MINDY4: variants seen among roughly 807,000 people sequenced by gnomAD.
MINDY4 encodes the protein probable ubiquitin carboxyl-terminal hydrolase MINDY-4.
In MINDY4, 68 loss-of-function variants were observed where a neutral mutation model predicts 87.0. That is an observed-to-expected ratio of 0.78 (90% CI 0.64 to 0.96). MINDY4 has a LOEUF of 0.96. Among genes scored for constraint, MINDY4 ranks in the 40% least tolerant of loss-of-function variants. The pLI is 0.00. For synonymous variants in MINDY4, 379 were observed against 363.2 expected (o/e 1.04, Z -0.50); for missense variants, 919 against 928.2 (o/e 0.99, Z 0.13).
chr7:30,821,220 G>A (rs1184542937), intron 5 of MINDY4, among the ~76,000 whole-genome samples: 2 of 152,040 alleles, frequency 1.3e-5, no homozygotes, highest in Non-Finnish European at 1.5e-5. Flanking sequence ...TTTATTGTCG[G>A]TTCTCATTTA....
intron 5 of MINDY4, among the ~76,000 whole-genome samples, chr7:30,811,378 C>T (rs376403376): frequency 2.8e-4 from 42 of 152,336 alleles, no homozygotes; most frequent in African/African-American, 9.4e-4. Flanking sequence ...TAAAAAGCTT[C>T]ATCGCTACCT....
At chr7:30,805,198 G>T (rs901281965) in intron 5 of MINDY4, among the ~76,000 whole-genome samples, 2 of 152,244 alleles carry the variant, frequency 1.3e-5, no homozygotes, top group African/African-American at 4.8e-5. Context: ...ATGTGCCAGA[G>T]GGGTAAGGAG....
chr7:30,883,053 T>C, intron 17 of MINDY4, 60 bp downstream of exon 17: 1 of 1,553,296 alleles, frequency 6.4e-7, no homozygotes, highest in African/African-American at 1.4e-5. Flanking sequence ...GGAGCCATGG[T>C]TGGGGGTGGT....
intron 9 of MINDY4, among the ~76,000 whole-genome samples, chr7:30,844,321 G>T (rs938291123): frequency 2.6e-5 from 4 of 152,194 alleles, no homozygotes; most frequent in African/African-American, 9.7e-5. Flanking sequence ...AGCTGTCACA[G>T]GGAGACAAGC....
At chr7:30,864,703 C>T (rs564819804) in intron 13 of MINDY4, among the ~76,000 whole-genome samples, 1 of 152,368 alleles carries the variant, frequency 6.6e-6, no homozygotes, top group South Asian at 2.1e-4. Flanking sequence ...CCCCAAAAGG[C>T]AGTCACTGCC....
At chr7:30,885,034 C>G (rs556390993) in intron 17 of MINDY4, among the ~76,000 whole-genome samples, 1 of 152,348 alleles carries the variant, frequency 6.6e-6, no homozygotes, top group Admixed American at 6.5e-5. Flanking sequence ...CTTCTCTGCC[C>G]TCACATCTGC....
chr7:30,789,988 A>G (rs1787272769), intron 4 of MINDY4, among the ~76,000 whole-genome samples: 1 of 152,210 alleles, frequency 6.6e-6, no homozygotes, highest in Non-Finnish European at 1.5e-5. Context: ...TGTGAACACC[A>G]GAGGCGAATT....
chr7:30,872,326 C>T lies in MINDY4; in HGVS notation c.1809+20C>T. 1.9e-6 allele frequency: 3 copies of T among 1,612,040 alleles called. No homozygotes were observed. Among genetic ancestry groups the T allele is most frequent in the Non-Finnish European group, 2.5e-6 (3 of 1,178,380 alleles). ...ACACAGGTCAGGGGGCGCTGTGGGG[C>T]CCAGGTGGTCCTTCCCCCTCCTCTG... is the stretch of plus-strand genomic sequence containing the variant. On this transcript the variant is annotated intron_variant, in intron 14 of 17. Coordinates refer to ENST00000265299, the MANE Select transcript of MINDY4 (RefSeq NM_032222.3).
At chr7:30,809,321 C>G (rs961323589) in intron 5 of MINDY4, among the ~76,000 whole-genome samples, 2 of 138,732 alleles carry the variant, frequency 1.4e-5, no homozygotes, top group Non-Finnish European at 3.1e-5. Flanking sequence ...TAAAAAATAA[C>G]TGTTAGAGGA....
At chr7:30,846,705 C>G (rs1462566168) in intron 9 of MINDY4, among the ~76,000 whole-genome samples, 1 of 151,904 alleles carries the variant, frequency 6.6e-6, no homozygotes. Context: ...TCCACGGTCC[C>G]CAGCCTTTTT....
intron 5 of MINDY4, among the ~76,000 whole-genome samples, chr7:30,821,720 C>A (rs1788336102): frequency 6.6e-6 from 1 of 151,718 alleles, no homozygotes; most frequent in South Asian, 2.1e-4. Flanking sequence ...GAAGTTTTTC[C>A]TCCATTTCTC....
At position 30,844,550 on chromosome 7, in the gene MINDY4, C is replaced by A. The variant is rs551572151; in HGVS notation, c.1445+3702C>A. Among the ~76,000 whole-genome samples the A allele has an allele frequency of 7.2e-5, 11 of 152,270 alleles. No individual in the cohort carries two copies. The East Asian group carries it at 2.1e-3, about 29-fold the overall frequency. ...TTAGGGCTTCTGTCAAGTGAAGACC[C>A]GGAAGACCAGGGAGTGAGGGCCTGC... On this transcript the variant is annotated intron_variant, in intron 9 of 17. Coordinates refer to ENST00000265299, the MANE Select transcript of MINDY4 (RefSeq NM_032222.3).
intron 5 of MINDY4, among the ~76,000 whole-genome samples, chr7:30,803,705 G>A (rs895976033): frequency 6.6e-6 from 1 of 152,156 alleles, no homozygotes; most frequent in Non-Finnish European, 1.5e-5. Context: ...TGGGGTAGGG[G>A]GGAAAGTTTG....
chr7:30,844,577 G>C (rs1176395363), intron 9 of MINDY4, among the ~76,000 whole-genome samples: 1 of 152,224 alleles, frequency 6.6e-6, no homozygotes, highest in Non-Finnish European at 1.5e-5. Context: ...AGGGCCTGCT[G>C]TCGGGGGCCT....
chr7:30,852,326 G>A (rs186699649), intron 11 of MINDY4, 47 bp downstream of exon 11: 78 of 1,613,402 alleles, frequency 4.8e-5, no homozygotes, highest in Non-Finnish European at 6.3e-5. Context: ...CTTTGTTTGG[G>A]GACTGTCTCC....
In MINDY4 at chr7:30,806,390, A is replaced by G. The variant is rs28376435; in HGVS notation, c.1073+14816A>G. 5.5e-3 allele frequency among the ~76,000 whole-genome samples: 840 copies of G among 152,354 alleles called. 12 individuals carry two copies. The highest frequency in any genetic ancestry group is 0.019 in the African/African-American group (794 of 41,578). On this transcript the variant is annotated intron_variant, in intron 5 of 17. Coordinates refer to ENST00000265299, the MANE Select transcript of MINDY4 (RefSeq NM_032222.3). Reference sequence around the variant, plus strand: ...TTAGGATTGTCATAAGGAATAAGTAAAATAAAATATATCAAATATTTGGCC... The same window carrying G: ...TTAGGATTGTCATAAGGAATAAGTAGAATAAAATATATCAAATATTTGGCC...
At chr7:30,854,170 C>A (rs1245674976) in intron 12 of MINDY4, among the ~76,000 whole-genome samples, 2 of 152,208 alleles carry the variant, frequency 1.3e-5, no homozygotes, top group Non-Finnish European at 2.9e-5. Context: ...GTTGGCCTGA[C>A]TTTGAATCTA....
At chr7:30,858,952 C>T (rs1445191023) in intron 12 of MINDY4, 2 of 632,260 alleles carry the variant, frequency 3.2e-6, no homozygotes, top group South Asian at 1.5e-5. Context: ...CCATTAGATG[C>T]TTGCACCATA....
chr7:30,833,282 G>A (rs1788761037), intron 6 of MINDY4, among the ~76,000 whole-genome samples: 1 of 152,180 alleles, frequency 6.6e-6, no homozygotes, highest in Non-Finnish European at 1.5e-5. Context: ...CACGTTGCTG[G>A]GGAAGCCTCA....
Sources: allele counts gnomAD v4.1 joint callset (sites outside exome capture counted in the v4.1 genomes callset), GRCh38; gene constraint gnomAD v4.1.1; transcripts MANE v1.5; gene names NCBI Gene and HGNC (gene_info 2026-07-23, HGNC 2026-07-21).